DAB1: variants seen among roughly 807,000 people sequenced by gnomAD.
The protein encoded by DAB1 is disabled homolog 1.
In DAB1, 15 loss-of-function variants were observed where a neutral mutation model predicts 64.6. The observed-to-expected ratio is 0.23, with a 90% CI of 0.16 to 0.36. The LOEUF is 0.36. Among genes scored for constraint, DAB1 ranks in the 10% least tolerant of loss-of-function variants. DAB1 has a pLI of 1.00. For synonymous variants in DAB1, 235 were observed against 251.9 expected (o/e 0.93, Z 0.64); for missense variants, 596 against 706.7 (o/e 0.84, Z 1.78).
At chr1:58,255,886 T>C (rs1235773142) in intron 4 of DAB1, among the ~76,000 whole-genome samples, 1 of 152,196 alleles carries the variant, frequency 6.6e-6, no homozygotes, top group East Asian at 1.9e-4. Context: ...AATTACTATG[T>C]CTGTTTTGTA....
intron 1 of DAB1, among the ~76,000 whole-genome samples, chr1:57,866,764 T>C (rs1654321240): frequency 1.3e-5 from 2 of 152,168 alleles, no homozygotes; most frequent in Admixed American, 1.3e-4. Flanking sequence ...TTTCTTTTAA[T>C]AGCAGAAAAT....
chr1:58,308,143 G>A (rs982203333), intron 4 of DAB1, among the ~76,000 whole-genome samples: 4 of 152,146 alleles, frequency 2.6e-5, no homozygotes, highest in Non-Finnish European at 5.9e-5. Flanking sequence ...TCCAGGGTGA[G>A]ATTCAGGGCT....
Position 57,701,447 on chromosome 1 carries a change from C to T in DAB1, n.552-51782G>A, listed in dbSNP as rs553554528. Among the ~76,000 whole-genome samples, 251 of 152,056 alleles carry T rather than the reference C, an allele frequency of 1.7e-3. 1 individual carries two copies. Among genetic ancestry groups the T allele is most frequent in the Non-Finnish European group, 2.7e-3 (186 of 68,000 alleles). On this transcript the variant is annotated intron_variant and non_coding_transcript_variant, in intron 6 of 20. Coordinates refer to the DAB1 transcript ENST00000485760. Reference sequence around the variant, plus strand: ...AAAACCATCATTCTCAGCAAACTATCGCAAGGACAAAAAACCAAACACCAC... The same window carrying T: ...AAAACCATCATTCTCAGCAAACTATTGCAAGGACAAAAAACCAAACACCAC...
At chr1:58,371,752 C>T (rs1302307501) in intron 3 of DAB1, among the ~76,000 whole-genome samples, 3 of 152,176 alleles carry the variant, frequency 2.0e-5, no homozygotes, top group Non-Finnish European at 4.4e-5. Flanking sequence ...AGCTGCTCCA[C>T]CTCCCACTGT....
chr1:58,149,154 C>CTTATTAA (rs1654780518), intron 5 of DAB1, among the ~76,000 whole-genome samples: 1 of 152,084 alleles, frequency 6.6e-6, no homozygotes, highest in Non-Finnish European at 1.5e-5. Context: ...TTCTTGTCTA[C>CTTATTAA]TTATTAATTT....
intron 1 of DAB1, among the ~76,000 whole-genome samples, chr1:57,366,702 A>G (rs1010019569): frequency 2.6e-5 from 4 of 152,238 alleles, no homozygotes; most frequent in Non-Finnish European, 5.9e-5. Context: ...AATAATCTCA[A>G]AAGATTGGTA....
chr1:57,971,574 C>G (rs1342556819), intron 5 of DAB1, among the ~76,000 whole-genome samples: 18 of 152,158 alleles, frequency 1.2e-4, no homozygotes. Context: ...ATCTGTAAGA[C>G]AGGAATGATA....
chr1:58,081,590 AACC>A (rs1032275698), intron 5 of DAB1, among the ~76,000 whole-genome samples: 1 of 152,236 alleles, frequency 6.6e-6, no homozygotes, highest in Non-Finnish European at 1.5e-5. Flanking sequence ...TAGTATCCCC[AACC>A]ACTGTGGGCC....
chr1:57,939,795 T>C (rs1645077405), intron 5 of DAB1, among the ~76,000 whole-genome samples: 1 of 152,160 alleles, frequency 6.6e-6, no homozygotes. Flanking sequence ...CACCCCAGCA[T>C]GTATTCAGTA....
intron 2 of DAB1, among the ~76,000 whole-genome samples, chr1:57,194,279 A>G (rs1346410789): frequency 6.6e-6 from 1 of 152,100 alleles, no homozygotes; most frequent in Non-Finnish European, 1.5e-5. Context: ...TGCTTCTCAG[A>G]GCTGGCCACG....
chr1:58,359,558 G>C (rs1422563159), intron 3 of DAB1, among the ~76,000 whole-genome samples: 1 of 152,164 alleles, frequency 6.6e-6, no homozygotes, highest in Non-Finnish European at 1.5e-5. Flanking sequence ...TGCCAGAGCT[G>C]TTCTAGCTAC....
chr1:58,383,341 T>C (rs1644406026), intron 3 of DAB1, among the ~76,000 whole-genome samples: 1 of 152,210 alleles, frequency 6.6e-6, no homozygotes, highest in African/African-American at 2.4e-5. Context: ...AAAAGTTCTA[T>C]GTGCCCCCAA....
intron 4 of DAB1, among the ~76,000 whole-genome samples, chr1:58,281,521 G>A (rs1436354222): frequency 6.6e-6 from 1 of 150,954 alleles, no homozygotes; most frequent in Non-Finnish European, 1.5e-5. Flanking sequence ...TAGTATCCTT[G>A]CCTCCACTCC....
intron 4 of DAB1, among the ~76,000 whole-genome samples, chr1:57,076,719 C>G (rs1032558004): frequency 3.9e-5 from 6 of 152,224 alleles, no homozygotes; most frequent in African/African-American, 1.4e-4. Flanking sequence ...TGACGGAAGG[C>G]ATAGCTCTGA....
intron 4 of DAB1, among the ~76,000 whole-genome samples, chr1:58,171,519 C>T (rs1656175513): frequency 6.6e-6 from 1 of 152,222 alleles, no homozygotes; most frequent in African/African-American, 2.4e-5. Context: ...AACCCCTATA[C>T]CCTGCTCTCT....
At chr1:57,758,026 A>G (rs1648899599) in intron 6 of DAB1, among the ~76,000 whole-genome samples, 1 of 152,140 alleles carries the variant, frequency 6.6e-6, no homozygotes, top group Admixed American at 6.6e-5. Flanking sequence ...AGTGTTGCCC[A>G]GGTTGGTCTT....
intron 7 of DAB1, among the ~76,000 whole-genome samples, chr1:57,563,662 G>T (rs1372217832): frequency 6.6e-6 from 1 of 152,156 alleles, no homozygotes; most frequent in East Asian, 1.9e-4. Context: ...TGGCTCGGAG[G>T]GTCCCATGCC....
chr1:58,008,373 T>C (rs773218570), intron 5 of DAB1, among the ~76,000 whole-genome samples: 6 of 152,042 alleles, frequency 3.9e-5, no homozygotes, highest in Non-Finnish European at 5.9e-5. Context: ...TAAAACACTA[T>C]GAAAACTTAG....
Position 58,141,170 on chromosome 1 carries a change from C to T in DAB1, n.387+9341G>A, listed in dbSNP as rs577545014. Among the ~76,000 whole-genome samples, 9 of 152,172 alleles carry T rather than the reference C, an allele frequency of 5.9e-5. No homozygotes were observed. In the East Asian group the frequency reaches 9.7e-4, roughly 16 times the overall value. On this transcript the variant is annotated intron_variant and non_coding_transcript_variant, in intron 5 of 20. Coordinates refer to the DAB1 transcript ENST00000485760. ...AGGTAGTTGTATTAGTCTGCTCTCA[C>T]GCCGCTAATAAGGACATACCCGAGA... is the stretch of plus-strand genomic sequence containing the variant.
Sources: gnomAD v4.1 joint callset for allele counts (sites outside exome capture counted in the v4.1 genomes callset) on GRCh38, gnomAD v4.1.1 for gene constraint, MANE v1.5 for transcripts, NCBI Gene and HGNC (gene_info 2026-07-23, HGNC 2026-07-21) for gene names.